The following CFAP299 variants were observed in gnomAD, a reference collection of about 807,000 sequenced individuals.
The protein encoded by CFAP299 is cilia- and flagella-associated protein 299.
CFAP299 carries 21 observed loss-of-function variants against 27.0 expected under a neutral mutation model. The ratio of observed to expected loss-of-function variants is 0.78; its 90% CI spans 0.55 to 1.12. The LOEUF (loss-of-function observed/expected upper bound fraction) is 1.12. CFAP299 is among the 50% of genes most tolerant of loss of function. CFAP299 has a pLI of 0.00. For missense variants in CFAP299, 310 were observed against 276.6 expected (o/e 1.12, Z -0.86); for synonymous variants, 104 against 98.1 (o/e 1.06, Z -0.36).
At chr4:80,549,678 GTGAGT>G (rs1314688706) in intron 2 of CFAP299, among the ~76,000 whole-genome samples, 1 of 152,058 alleles carries the variant, frequency 6.6e-6, no homozygotes, top group African/African-American at 2.4e-5. Context: ...AACATACTTT[GTGAGT>G]TGCTGCTTAA....
rs148566446 is a variant in CFAP299, at chr4:80,377,377, C to A, written c.242+14493C>A. Among the ~76,000 whole-genome samples the A allele has an allele frequency of 2.2e-3, 335 of 152,008 alleles. 1 individual carries two copies. Among genetic ancestry groups the A allele is most frequent in the African/African-American group, 7.7e-3 (319 of 41,506 alleles). ...AGCACTATTTATTGAAAAGACTATT[C>A]TTTTTCTATTGAATTTTGTAGGTAC... On this transcript the variant is annotated intron_variant, in intron 2 of 5. Transcript: ENST00000358105.
chr4:80,749,516 G>A (rs960513377), intron 3 of CFAP299, among the ~76,000 whole-genome samples: 1 of 152,206 alleles, frequency 6.6e-6, no homozygotes, highest in Admixed American at 6.5e-5. Context: ...TCTGCAAGTT[G>A]AGGAGCAAGG....
chr4:80,394,419 T>A lies in CFAP299; in HGVS notation c.242+31535T>A, dbSNP rs567495833. ...GGCTGTACACAGTTTTTTTTTTTTTTAAATTAGATGCAGTCCCATTTGTCT... is the reference window on the plus strand; with the variant it reads ...GGCTGTACACAGTTTTTTTTTTTTTAAAATTAGATGCAGTCCCATTTGTCT... On this transcript the variant is annotated intron_variant, in intron 2 of 5. Transcript: ENST00000358105. 2.3e-4 allele frequency among the ~76,000 whole-genome samples: 35 copies of A among 151,426 alleles called. No individual in the cohort carries two copies. In the South Asian group the frequency reaches 5.8e-3, roughly 25 times the overall value.
At chr4:80,597,186 G>C (rs75813498) in intron 3 of CFAP299, among the ~76,000 whole-genome samples, 1,629 of 152,180 alleles carry the variant, frequency 0.011, 32 homozygotes, top group African/African-American at 0.035. Flanking sequence ...TAAATTCGGA[G>C]CAACTGTGTA....
At chr4:80,599,611 G>A (rs1047902581) in intron 3 of CFAP299, among the ~76,000 whole-genome samples, 1 of 151,958 alleles carries the variant, frequency 6.6e-6, no homozygotes, top group Non-Finnish European at 1.5e-5. Context: ...AATTGCAGAG[G>A]TATTGAATTT....
chr4:80,329,766 T>C, the CFAP299 span, among the ~76,000 whole-genome samples: 1 of 152,104 alleles, frequency 6.6e-6, no homozygotes, highest in African/African-American at 2.4e-5. Flanking sequence ...CTTGAGTACC[T>C]GACGAGCTTT....
intron 3 of CFAP299, among the ~76,000 whole-genome samples, chr4:80,723,604 T>C (rs534239787): frequency 1.3e-5 from 2 of 152,232 alleles, no homozygotes; most frequent in African/African-American, 4.8e-5. Flanking sequence ...ATACATTACA[T>C]AGAGAGAAAT....
intron 3 of CFAP299, among the ~76,000 whole-genome samples, chr4:80,795,869 G>T (rs572329525): frequency 6.6e-6 from 1 of 152,208 alleles, no homozygotes; most frequent in East Asian, 1.9e-4. Context: ...GCAGAAGATG[G>T]CAGGGACTTG....
intron 2 of CFAP299, among the ~76,000 whole-genome samples, chr4:80,392,437 A>G (rs965588368): frequency 6.6e-6 from 1 of 152,124 alleles, no homozygotes; most frequent in East Asian, 1.9e-4. Context: ...TGTAATCCCC[A>G]TGTGTTGGAG....
At chr4:80,662,944 A>T (rs1198011383) in intron 3 of CFAP299, among the ~76,000 whole-genome samples, 3 of 152,046 alleles carry the variant, frequency 2.0e-5, no homozygotes, top group Admixed American at 2.0e-4. Context: ...GGTGCTACTT[A>T]TCATTGAAAA....
chr4:80,685,296 G>A (rs1482274683), intron 3 of CFAP299, among the ~76,000 whole-genome samples: 1 of 152,130 alleles, frequency 6.6e-6, no homozygotes, highest in African/African-American at 2.4e-5. Flanking sequence ...GGTTTGCTTT[G>A]AGATCTCTGA....
intron 2 of CFAP299, among the ~76,000 whole-genome samples, chr4:80,578,363 G>A (rs1735981731): frequency 6.6e-6 from 1 of 152,108 alleles, no homozygotes; most frequent in African/African-American, 2.4e-5. Context: ...TTGCTAAGAA[G>A]TTTCAGGTTC....
rs375787422 is a variant in CFAP299, at chr4:80,499,975, T to G, written c.243-83118T>G. On this transcript the variant is annotated intron_variant, in intron 2 of 5. Transcript: ENST00000358105. ...ACTTATTTTATTAACTTCATTTTTT[T>G]TTTGTTTGTTTGTTTGAATGACGGA... is the stretch of plus-strand genomic sequence containing the variant. 1.7e-3 allele frequency among the ~76,000 whole-genome samples: 265 copies of G among 152,098 alleles called. 1 individual carries two copies. The highest frequency in any genetic ancestry group is 2.4e-3 in the Non-Finnish European group (165 of 67,966).
At chr4:80,769,343 A>G (rs1462563012) in intron 3 of CFAP299, among the ~76,000 whole-genome samples, 1 of 152,148 alleles carries the variant, frequency 6.6e-6, no homozygotes, top group Non-Finnish European at 1.5e-5. Flanking sequence ...GGGTATATTC[A>G]TTTTATGTTA....
chr4:80,468,067 C>G (rs1729795500), intron 2 of CFAP299, among the ~76,000 whole-genome samples: 1 of 152,156 alleles, frequency 6.6e-6, no homozygotes, highest in Admixed American at 6.5e-5. Context: ...CCATCCCTAT[C>G]AGTGGATGAA....
chr4:80,423,371 T>C (rs147036177), intron 2 of CFAP299, among the ~76,000 whole-genome samples: 67 of 152,310 alleles, frequency 4.4e-4, no homozygotes, highest in African/African-American at 1.5e-3. Flanking sequence ...ATAAGTAAAG[T>C]ATAATATATC....
intron 2 of CFAP299, among the ~76,000 whole-genome samples, chr4:80,379,998 A>T (rs551997444): frequency 6.6e-6 from 1 of 152,290 alleles, no homozygotes; most frequent in Non-Finnish European, 1.5e-5. Flanking sequence ...CTTAGAGATG[A>T]ATGTCGTTAT....
intron 2 of CFAP299, among the ~76,000 whole-genome samples, chr4:80,391,677 TG>T (rs1421064274): frequency 6.6e-5 from 10 of 152,236 alleles, no homozygotes; most frequent in African/African-American, 2.2e-4. Context: ...TATAAAATTA[TG>T]GCACAGATTC....
chr4:80,921,673 G>A (rs974182174), intron 4 of CFAP299, among the ~76,000 whole-genome samples: 11 of 151,912 alleles, frequency 7.2e-5, no homozygotes, highest in Non-Finnish European at 1.0e-4. Flanking sequence ...AATTTGTCCC[G>A]GGAGATAATC....
Sources: allele counts gnomAD v4.1 joint callset (sites outside exome capture counted in the v4.1 genomes callset), GRCh38; gene constraint gnomAD v4.1.1; transcripts MANE v1.5; gene names NCBI Gene and HGNC (gene_info 2026-07-23, HGNC 2026-07-21).